Variants in YARS2 observed in about 807,000 individuals in gnomAD.
YARS2 encodes the protein tyrosyl-tRNA synthetase 2, also known as tyrosine--tRNA ligase, mitochondrial.
A neutral mutation model predicts 45.0 loss-of-function variants in YARS2; 38 were observed. The observed-to-expected ratio is 0.84, with a 90% CI of 0.65 to 1.11. YARS2 has a LOEUF of 1.11. Among genes scored for constraint, YARS2 ranks in the 50% least tolerant of loss-of-function variants. The probability of loss-of-function intolerance (pLI) is 0.00; values close to 1 mark genes in which losing one functional copy is unlikely to be tolerated. For synonymous variants in YARS2, 287 were observed against 245.1 expected, an observed-to-expected ratio of 1.17 and a Z score of -1.60; for missense variants, 602 against 599.8, an observed-to-expected ratio of 1.00 and a Z score of -0.04.
chr12:32,751,054 A>T (rs187866480), intron 2 of YARS2, among the ~76,000 whole-genome samples, 180 bp from the exon 3 acceptor site: 15 of 151,000 alleles, frequency 9.9e-5, no homozygotes, highest in Middle Eastern at 3.4e-3. Context: ...CTATTTTGGC[A>T]TCTTTGTTTT....
In YARS2 at chr12:32,746,978, T is replaced by A; in HGVS notation, c.*226A>T. The A allele has an allele frequency of 2.0e-6, 1 of 500,956 alleles. No homozygotes were observed. Among genetic ancestry groups the A allele is most frequent in the Non-Finnish European group, 3.5e-6 (1 of 283,638 alleles). The allele number at this position is 500,956 out of a possible 1,614,324, so 31.0% of individuals were successfully genotyped here. A position where few individuals can be genotyped will look rare whatever the true frequency, so the allele number is the denominator to read the frequency against. On this transcript the variant is annotated 3_prime_UTR_variant, in exon 5 of 5. Coordinates refer to ENST00000324868, the MANE Select transcript of YARS2 (RefSeq NM_001040436.3). ...AGAGATTAACCCTGAAAATCATGGT[T>A]TTCTATGGTAATCAAGCTTTGTACA...
At chr12:32,754,922 G>A (rs757463174) in intron 1 of YARS2, among the ~76,000 whole-genome samples, 174 bp downstream of exon 1, 2 of 151,966 alleles carry the variant, frequency 1.3e-5, no homozygotes, top group Admixed American at 6.6e-5. Context: ...CCTTAATTCA[G>A]CCCTTTAATT....
In YARS2 at chr12:32,747,355, A is replaced by T. The variant is rs769450260; in HGVS notation, c.1283T>A (p.Met428Lys). The change falls in exon 5 of 5, where the codon ATG becomes AAG. Residue 428 changes from methionine (M) to lysine (K), a missense_variant. Coordinates refer to ENST00000324868, the MANE Select transcript of YARS2 (RefSeq NM_001040436.3). ...AIPDGPRGYRMITEGGVSINH... is the reference protein window; with the variant it reads ...AIPDGPRGYRKITEGGVSINH... ...TATGCTGACTCCGCCTTCTGTTATC[A>T]TTCGATACCTAAAAAATAGAAACGT... The T allele has an allele frequency of 5.6e-6, 9 of 1,613,766 alleles. No homozygotes were observed. In the East Asian group the frequency reaches 2.0e-4, roughly 36 times the overall value.
Position 32,747,118 on chromosome 12 carries a change from A to G in YARS2, c.*86T>C. 2.1e-6 allele frequency: 3 copies of G among 1,423,118 alleles called. No individual in the cohort carries two copies. Among genetic ancestry groups the G allele is most frequent in the East Asian group, 2.3e-5 (1 of 43,496 alleles). The allele number at this position is 1,423,118 out of a possible 1,614,324, so 88.2% of individuals were successfully genotyped here. A position where few individuals can be genotyped will look rare whatever the true frequency, so the allele number is the denominator to read the frequency against. On this transcript the variant is annotated 3_prime_UTR_variant, in exon 5 of 5. Transcript: ENST00000324868. ...TCTGTTTTTCTGATTTGCATAAGCAAAGGTCTAAGTTCTGGAGCCAACCCT... is the reference window on the plus strand; with the variant it reads ...TCTGTTTTTCTGATTTGCATAAGCAGAGGTCTAAGTTCTGGAGCCAACCCT...
chr12:32,755,466 C>G lies in YARS2; in HGVS notation c.409G>C (p.Val137Leu). 6.2e-7 allele frequency: 1 copy of G among 1,612,452 alleles called. No individual in the cohort carries two copies. Among genetic ancestry groups the G allele is most frequent in the Non-Finnish European group, 8.5e-7 (1 of 1,179,524 alleles). Reference sequence around the variant, plus strand: ...CGCAGAGCTCGCGCGTTGGCTCGCACGCGCTCTGTCTCCAGCGCCTCGCGT... The same window carrying G: ...CGCAGAGCTCGCGCGTTGGCTCGCAGGCGCTCTGTCTCCAGCGCCTCGCGT... ...KEREALETERVRANARALRLG... is the reference protein window; with the variant it reads ...KEREALETERLRANARALRLG... Residue 137 changes from valine to leucine, a missense_variant, in exon 1 of 5, where the codon GTG (valine) becomes CTG (leucine). Coordinates refer to ENST00000324868, the MANE Select transcript of YARS2 (RefSeq NM_001040436.3).
chr12:32,748,550 C>T (rs1304945951), intron 4 of YARS2, among the ~76,000 whole-genome samples: 2 of 152,064 alleles, frequency 1.3e-5, no homozygotes, highest in African/African-American at 2.4e-5. Context: ...CCAGTATTAG[C>T]GAACACACTA....
At position 32,755,398 on chromosome 12, in the gene YARS2, GAAA is replaced by G. The variant is rs1955829386; in HGVS notation, c.474_476del (p.Phe159del). The G allele has an allele frequency of 6.2e-7, 1 of 1,613,746 alleles. No individual in the cohort carries two copies. The highest frequency in any genetic ancestry group is 1.3e-5 in the African/African-American group (1 of 74,952). On this transcript the variant is annotated inframe_deletion, in exon 1 of 5. Coordinates refer to ENST00000324868, the MANE Select transcript of YARS2 (RefSeq NM_001040436.3). ...AGCTGCCCCAGGAGCGCCCATCAGT[GAAA>G]AGCTGCTGGTGATTAGCCGCCAGGG...
chr12:32,749,835 C>T, intron 4 of YARS2, 102 bp downstream of exon 4: 1 of 1,413,136 alleles, frequency 7.1e-7, no homozygotes, highest in Non-Finnish European at 9.9e-7. Flanking sequence ...CCTCGGCCTC[C>T]CAATGTGCTG....
At chr12:32,754,332 T>C (rs1445249112) in intron 1 of YARS2, among the ~76,000 whole-genome samples, 1 of 152,158 alleles carries the variant, frequency 6.6e-6, no homozygotes, top group Non-Finnish European at 1.5e-5. Flanking sequence ...GACTAGAGAT[T>C]TTGAAAGGCT....
rs531861677 is a variant in YARS2 at position 32,748,402 on chromosome 12, A to G, written c.1275-1039T>C. 1.9e-4 allele frequency among the ~76,000 whole-genome samples: 29 copies of G among 152,260 alleles called. No individual in the cohort carries two copies. In the East Asian group the frequency reaches 2.5e-3, roughly 13 times the overall value. On this transcript the variant is annotated intron_variant, in intron 4 of 4. Coordinates refer to ENST00000324868, the MANE Select transcript of YARS2 (RefSeq NM_001040436.3). ...GAAGTATTATTTTACGCTGTCTGCT[A>G]GTTTCCAGATCATGTTCTATGTTTA...
chr12:32,750,913 T>C (rs1463122050), intron 2 of YARS2, 39 bp from the exon 3 acceptor site: 19 of 1,609,026 alleles, frequency 1.2e-5, no homozygotes, highest in Non-Finnish European at 1.5e-5. Context: ...TTATATAACA[T>C]ACCTAATTTT....
At position 32,755,522 on chromosome 12, in the gene YARS2, C is replaced by T; in HGVS notation, c.353G>A (p.Arg118His). 6.2e-7 allele frequency: 1 copy of T among 1,612,918 alleles called. No homozygotes were observed. Among genetic ancestry groups the T allele is most frequent in the African/African-American group, 1.3e-5 (1 of 75,062 alleles). The change falls in exon 1 of 5, where the codon CGC (arginine) becomes CAC (histidine). Residue 118 changes from arginine (R) to histidine (H), a missense_variant. Transcript: ENST00000324868. Reference sequence around the variant, plus strand: ...GGTACGGCCGCTCGGGTCTCCCAGGCGCGCCGTGGCGCCTCCCACCAGCGC... The same window carrying T: ...GGTACGGCCGCTCGGGTCTCCCAGGTGCGCCGTGGCGCCTCCCACCAGCGC... ...VIALVGGATARLGDPSGRTKE... is the reference protein window; with the variant it reads ...VIALVGGATAHLGDPSGRTKE...
At chr12:32,749,874 G>A (rs1384227530) in intron 4 of YARS2, 63 bp downstream of exon 4, 48 of 1,595,854 alleles carry the variant, frequency 3.0e-5, no homozygotes, top group Non-Finnish European at 3.9e-5. Context: ...ACTTCTCCTG[G>A]CCTTGTGAAC....
intron 2 of YARS2, among the ~76,000 whole-genome samples, chr12:32,752,327 C>T (rs551225926): frequency 1.6e-4 from 25 of 152,110 alleles, no homozygotes; most frequent in African/African-American, 4.8e-4. Context: ...AGTATTGGGC[C>T]GGGCGCAGTG....
Position 32,747,089 on chromosome 12 carries a change from C to T in YARS2, c.*115G>A. ...GAAGTTACTCACACTGAGTCCTAGTCCATTCTGTTTTTCTGATTTGCATAA... is the reference window on the plus strand; with the variant it reads ...GAAGTTACTCACACTGAGTCCTAGTTCATTCTGTTTTTCTGATTTGCATAA... On this transcript the variant is annotated 3_prime_UTR_variant, in exon 5 of 5. Coordinates refer to ENST00000324868, the MANE Select transcript of YARS2 (RefSeq NM_001040436.3). The T allele has an allele frequency of 9.9e-7, 1 of 1,010,688 alleles. No homozygotes were observed. The highest frequency in any genetic ancestry group is 1.5e-6 in the Non-Finnish European group (1 of 668,372). 62.6% of individuals were successfully genotyped at this position (1,010,688 alleles called of 1,614,324 possible). A position where few individuals can be genotyped will look rare whatever the true frequency, so the allele number is the denominator to read the frequency against.
chr12:32,755,341 C>T lies in YARS2; in HGVS notation c.534G>A (p.Gln178=), dbSNP rs781640959. 2 of 1,614,136 alleles carry T rather than the reference C, an allele frequency of 1.2e-6. No individual in the cohort carries two copies. The highest frequency in any genetic ancestry group is 2.2e-5 in the East Asian group (1 of 44,872). Residue 178 remains glutamine (Q), a synonymous_variant, in exon 1 of 5, where the codon CAG becomes CAA. Coordinates refer to ENST00000324868, the MANE Select transcript of YARS2 (RefSeq NM_001040436.3). ...FTVLDNSAWY[Q]KQHLVDFLAA... ...CCAGGAAGTCCACCAGGTGCTGCTT[C>T]TGGTACCAGGCCGAGTTGTCCAGCA...
rs377269639 is a variant in YARS2, at chr12:32,755,367, C to T, written c.508G>A (p.Val170Met). 4.3e-6 allele frequency: 7 copies of T among 1,613,964 alleles called. No individual in the cohort carries two copies. Among genetic ancestry groups the T allele is most frequent in the South Asian group, 2.2e-5 (2 of 91,086 alleles). ...TGGTACCAGGCCGAGTTGTCCAGCA[C>T]AGTGAAGCTGCCCCAGGAGCGCCCA... is the stretch of plus-strand genomic sequence containing the variant. Reference protein sequence around the residue: ...TDGRSWGSFTVLDNSAWYQKQ... With the variant: ...TDGRSWGSFTMLDNSAWYQKQ... The change falls in exon 1 of 5, where the codon GTG (valine) becomes ATG (methionine). Residue 170 changes from valine (V) to methionine (M), a missense_variant. Transcript: ENST00000324868.
chr12:32,755,818 A>C lies in YARS2; in HGVS notation c.57T>G (p.Asn19Lys). ...GCCCCAAGGGCAACAATACTGAGAGATTTAGGGTACCAGACCACCGGCCCC... is the reference window on the plus strand; with the variant it reads ...GCCCCAAGGGCAACAATACTGAGAGCTTTAGGGTACCAGACCACCGGCCCC... Reference protein sequence around the residue: ...FSWGRWSGTLNLSVLLPLGLR... With the variant: ...FSWGRWSGTLKLSVLLPLGLR... The change falls in exon 1 of 5, where the codon AAT (asparagine) becomes AAG (lysine). Residue 19 changes from asparagine (N) to lysine (K), a missense_variant. Coordinates refer to ENST00000324868, the MANE Select transcript of YARS2 (RefSeq NM_001040436.3). 6.2e-7 allele frequency: 1 copy of C among 1,613,424 alleles called. No homozygotes were observed. Among genetic ancestry groups the C allele is most frequent in the Non-Finnish European group, 8.5e-7 (1 of 1,179,998 alleles).
intron 4 of YARS2, among the ~76,000 whole-genome samples, chr12:32,748,037 C>T (rs1955675675): frequency 6.6e-6 from 1 of 152,166 alleles, no homozygotes; most frequent in Non-Finnish European, 1.5e-5. Context: ...GAGGTGAGAT[C>T]TGAGAAGACA....
Sources: gnomAD v4.1 joint callset for allele counts (sites outside exome capture counted in the v4.1 genomes callset) on GRCh38, gnomAD v4.1.1 for gene constraint, MANE v1.5 for transcripts, NCBI Gene and HGNC (gene_info 2026-07-23, HGNC 2026-07-21) for gene names.